The following PRDM6 variants were observed in gnomAD, a reference collection of about 807,000 sequenced individuals.
PRDM6 encodes putative histone-lysine N-methyltransferase PRDM6.
In PRDM6, 25 loss-of-function variants were observed where a neutral mutation model predicts 60.8. The observed-to-expected ratio is 0.41, with a 90% confidence interval of 0.30 to 0.57. PRDM6 has a LOEUF of 0.57. Among genes scored for constraint, PRDM6 ranks in the 20% least tolerant of loss-of-function variants. The pLI is 0.27. For missense variants in PRDM6, 839 were observed against 821.3 expected, an observed-to-expected ratio of 1.02 and a Z score of -0.26; for synonymous variants, 407 against 357.4, an observed-to-expected ratio of 1.14 and a Z score of -1.57.
chr5:123,124,045 A>G (rs958026931), intron 3 of PRDM6, among the ~76,000 whole-genome samples: 2 of 152,210 alleles, frequency 1.3e-5, no homozygotes, highest in Non-Finnish European at 2.9e-5. Flanking sequence ...GTTCCTGCCA[A>G]ACTTTGACCT....
At chr5:123,107,465 CCA>C (rs1369623864) in intron 3 of PRDM6, among the ~76,000 whole-genome samples, 1 of 152,308 alleles carries the variant, frequency 6.6e-6, no homozygotes, top group East Asian at 1.9e-4. Context: ...TAGCCACAAA[CCA>C]CAGAGTTGCT....
At chr5:123,098,815 G>A (rs983458923) in intron 2 of PRDM6, among the ~76,000 whole-genome samples, 16 of 152,182 alleles carry the variant, frequency 1.1e-4, no homozygotes, top group Non-Finnish European at 2.4e-4. Context: ...CTCCAGAACA[G>A]CACCCCGGTC....
At position 123,189,113 on chromosome 5, in the gene PRDM6, C is replaced by G. The variant is rs1476129389; in HGVS notation, c.*1912C>G. On this transcript the variant is annotated 3_prime_UTR_variant, in exon 8 of 8. Transcript: ENST00000407847. ...CAGTAGCTGATTGAAACTATTCTCT[C>G]TGGTAGTTAGGAATGTGTTCTGATT... is the stretch of plus-strand genomic sequence containing the variant. 6.6e-6 allele frequency: 1 copy of G among 152,174 alleles called. No individual in the cohort carries two copies. The allele number at this position is 152,174 out of a possible 1,614,324, so 9.4% of individuals were successfully genotyped here. A position where few individuals can be genotyped will look rare whatever the true frequency, so the allele number is the denominator to read the frequency against.
intron 6 of PRDM6, among the ~76,000 whole-genome samples, chr5:123,174,512 A>C (rs1319059647): frequency 6.6e-6 from 1 of 152,222 alleles, no homozygotes; most frequent in African/African-American, 2.4e-5. Flanking sequence ...AACAAGTCCA[A>C]ATTTGAAACA....
intron 3 of PRDM6, among the ~76,000 whole-genome samples, chr5:123,121,275 C>T (rs764532392): frequency 2.0e-5 from 3 of 152,180 alleles, no homozygotes; most frequent in African/African-American, 4.8e-5. Context: ...AATAAGTTCT[C>T]TTGCACCGGC....
chr5:123,192,910 CATT>C lies in PRDM6; in HGVS notation c.*5712_*5714del, dbSNP rs752938530. The C allele has an allele frequency of 7.9e-5, 12 of 152,252 alleles. No individual in the cohort carries two copies. The highest frequency in any genetic ancestry group is 2.0e-4 in the Admixed American group (3 of 15,294). 9.4% of individuals were successfully genotyped at this position (152,252 alleles called of 1,614,324 possible). On this transcript the variant is annotated 3_prime_UTR_variant, in exon 8 of 8. Coordinates refer to ENST00000407847, the MANE Select transcript of PRDM6 (RefSeq NM_001136239.4). ...AGCAGTGCAGCAGAAAGACTGGAGT[CATT>C]ATAGGTTTGGTTTGTCAAAGGCACA...
At chr5:123,126,284 A>G (rs563366031) in intron 3 of PRDM6, among the ~76,000 whole-genome samples, 3 of 152,292 alleles carry the variant, frequency 2.0e-5, no homozygotes, top group Non-Finnish European at 2.9e-5. Context: ...CCAGGGTTCC[A>G]TAAGTTATGT....
chr5:123,146,608 T>G (rs1346266803), intron 3 of PRDM6, among the ~76,000 whole-genome samples: 1 of 152,230 alleles, frequency 6.6e-6, no homozygotes, highest in African/African-American at 2.4e-5. Flanking sequence ...ATGTTGTTGT[T>G]GTTGTTGTTT....
chr5:123,090,007 C>T lies in PRDM6; in HGVS notation c.-8C>T, dbSNP rs1763771816. On this transcript the variant is annotated 5_prime_UTR_variant, in exon 2 of 8. Transcript: ENST00000407847. The stretch of plus-strand genomic sequence containing the variant: ...CCTGCCCTCTGCCCCCAGTTCGAGG[C>T]GCCGGACATGCTGAAGCCCGGAGAC... 3.9e-6 allele frequency: 6 copies of T among 1,544,256 alleles called. No homozygotes were observed. The highest frequency in any genetic ancestry group is 2.0e-5 in the Admixed American group (1 of 50,836).
At chr5:123,159,050 T>C (rs1006416279) in intron 4 of PRDM6, among the ~76,000 whole-genome samples, 2 of 152,188 alleles carry the variant, frequency 1.3e-5, no homozygotes, top group Non-Finnish European at 2.9e-5. Context: ...TGAGTCCTTA[T>C]ATCACAAAGC....
At chr5:123,164,891 A>G (rs1191613209) in intron 5 of PRDM6, among the ~76,000 whole-genome samples, 2 of 152,098 alleles carry the variant, frequency 1.3e-5, no homozygotes, top group African/African-American at 2.4e-5. Context: ...TTCCTCCCAC[A>G]GTAGCCCATG....
In PRDM6 at chr5:123,099,765, C is replaced by T; in HGVS notation, c.704C>T (p.Pro235Leu). 8 of 1,547,286 alleles carry T rather than the reference C, an allele frequency of 5.2e-6. No individual in the cohort carries two copies. The highest frequency in any genetic ancestry group is 2.4e-5 in the South Asian group (2 of 83,716). Residue 235 changes from proline to leucine, a missense_variant, in exon 3 of 8, where the codon CCG becomes CTG. Around this residue, in one of 2 missense-constraint regions of PRDM6, gnomAD observed 730 missense variants for 648.8 expected, o/e 1.13. Transcript: ENST00000407847. This position sits in a 1 kb window ranked among gnomAD's most constrained non-coding sequence, Gnocchi z 4.0. ...TSSAAAAAPPPELPEWLRDLP... is the reference protein window; with the variant it reads ...TSSAAAAAPPLELPEWLRDLP... ...AGCGCTGCGGCCGCCGCGCCCCCGCCGGAGCTGCCGGAGTGGCTGCGGGAC... is the reference window on the plus strand; with the variant it reads ...AGCGCTGCGGCCGCCGCGCCCCCGCTGGAGCTGCCGGAGTGGCTGCGGGAC...
At chr5:123,143,551 T>G (rs2126863091) in intron 3 of PRDM6, among the ~76,000 whole-genome samples, 1 of 152,238 alleles carries the variant, frequency 6.6e-6, no homozygotes, top group Admixed American at 6.5e-5. Flanking sequence ...GATCTCTTGG[T>G]TAGATTTCCT....
chr5:123,129,775 A>G (rs938483500), intron 3 of PRDM6, among the ~76,000 whole-genome samples: 6 of 152,234 alleles, frequency 3.9e-5, no homozygotes, highest in Non-Finnish European at 5.9e-5. Context: ...TCATGTGTCT[A>G]TAAATATTTC....
At chr5:123,089,845 T>G (rs1196715323) in intron 1 of PRDM6, among the ~76,000 whole-genome samples, 155 bp from the exon 2 acceptor site, 1 of 151,808 alleles carries the variant, frequency 6.6e-6, no homozygotes, top group East Asian at 1.9e-4. Flanking sequence ...GAGTAAACTT[T>G]GCGCCCAAGC....
intron 3 of PRDM6, among the ~76,000 whole-genome samples, chr5:123,101,352 C>G (rs538360154): frequency 1.3e-5 from 2 of 152,062 alleles, no homozygotes; most frequent in South Asian, 4.1e-4. Flanking sequence ...AAAATGAGGA[C>G]GTGGAAGCCA....
chr5:123,187,035 C>T, intron 7 of PRDM6, 52 bp from the exon 8 acceptor site: 2 of 1,343,442 alleles, frequency 1.5e-6, no homozygotes, highest in South Asian at 1.3e-5. Context: ...GGAAGCCCAT[C>T]ACCCTGCAGG....
intron 2 of PRDM6, among the ~76,000 whole-genome samples, chr5:123,095,068 C>A (rs953199880): frequency 4.6e-5 from 7 of 152,214 alleles, no homozygotes; most frequent in African/African-American, 4.8e-5. Context: ...TGGGCCGCCC[C>A]GCAGGGTCGA....
intron 3 of PRDM6, among the ~76,000 whole-genome samples, chr5:123,124,072 A>C (rs13165146): frequency 0.013 from 2,049 of 152,246 alleles, 21 homozygotes; most frequent in Middle Eastern, 0.054. Context: ...GGTCAGGCCA[A>C]CCTTAGAGAC....
Sources: allele counts gnomAD v4.1 joint callset (sites outside exome capture counted in the v4.1 genomes callset), GRCh38; gene constraint gnomAD v4.1.1; regional missense constraint gnomAD v4.1.1; non-coding constraint Gnocchi (gnomAD v3.1); transcripts MANE v1.5; gene names NCBI Gene and HGNC (gene_info 2026-07-23, HGNC 2026-07-21).